PDCD4: variants seen among roughly 807,000 people sequenced by gnomAD.
PDCD4 encodes the protein programmed cell death 4.
Under a neutral mutation model 54.0 loss-of-function variants are expected in PDCD4, and 56 were observed. That is an observed-to-expected ratio of 1.04 (90% CI 0.84 to 1.30). The LOEUF (loss-of-function observed/expected upper bound fraction) is 1.30, where lower values mean the gene tolerates loss of function less well. PDCD4 is among the 50% of genes most tolerant of loss of function. The probability of loss-of-function intolerance (pLI) is 0.00; values close to 1 mark genes in which losing one functional copy is unlikely to be tolerated. For missense variants in PDCD4, 584 were observed against 559.8 expected (o/e 1.04, Z -0.44); for synonymous variants, 186 against 194.8 (o/e 0.95, Z 0.37).
intron 5 of PDCD4, among the ~76,000 whole-genome samples, chr10:110,886,965 C>G (rs972346380): frequency 2.6e-5 from 4 of 152,038 alleles, no homozygotes; most frequent in Non-Finnish European, 4.4e-5. Flanking sequence ...ATATAAATAG[C>G]TTATGATAAT....
intron 10 of PDCD4, among the ~76,000 whole-genome samples, chr10:110,895,048 T>TA (rs1307454577): frequency 6.6e-6 from 1 of 152,104 alleles, no homozygotes; most frequent in African/African-American, 2.4e-5. Flanking sequence ...TTTAGCTATG[T>TA]AACCAGTTTT....
At chr10:110,872,367 C>A (rs1421667344) in intron 1 of PDCD4, 2 of 152,336 alleles carry the variant, frequency 1.3e-5, no homozygotes, top group African/African-American at 2.4e-5. Context: ...CCTCCTCCCC[C>A]TCTGGCGGAG....
chr10:110,873,003 C>T lies in PDCD4; in HGVS notation c.-63+985C>T, dbSNP rs79089372. ...TAGGTGTCGGGGAAAAAAGGGTTTC[C>T]CCTGTTTTTAACTTGTATTTTTACT... On this transcript the variant is annotated intron_variant, in intron 1 of 11. Transcript: ENST00000280154. Among the ~76,000 whole-genome samples, 11 of 152,230 alleles carry T rather than the reference C, an allele frequency of 7.2e-5. No individual in the cohort carries two copies. The East Asian group carries it at 1.7e-3, about 24-fold the overall frequency.
chr10:110,889,511 CTT>C lies in PDCD4; in HGVS notation c.778-13_778-12del. Reference sequence around the variant, plus strand: ...AAGTTATTTAACTTTTTTTATAGCTCTTTTTTTTTTCCTTTTTACAGTTGGTG... The same window carrying C: ...AAGTTATTTAACTTTTTTTATAGCTCTTTTTTTTCCTTTTTACAGTTGGTG... On this transcript the variant is annotated intron_variant, in intron 6 of 11. Transcript: ENST00000280154. 9.6e-6 allele frequency: 12 copies of C among 1,251,890 alleles called. No homozygotes were observed. The highest frequency in any genetic ancestry group is 1.4e-5 in the South Asian group (1 of 73,622). 77.5% of individuals were successfully genotyped at this position (1,251,890 alleles called of 1,614,324 possible).
chr10:110,898,654 G>A lies in PDCD4; in HGVS notation c.*566G>A, dbSNP rs1845889210. The A allele has an allele frequency of 6.6e-6, 1 of 152,616 alleles. No homozygotes were observed. Among genetic ancestry groups the A allele is most frequent in the Admixed American group, 6.5e-5 (1 of 15,276 alleles). The allele number at this position is 152,616 out of a possible 1,614,324, so 9.5% of individuals were successfully genotyped here. The stretch of plus-strand genomic sequence containing the variant: ...AGACTAGACAGTTAAGTAAAAGGTG[G>A]CTGGAACATCTATTTTTCTACAAAA... On this transcript the variant is annotated 3_prime_UTR_variant, in exon 12 of 12. Coordinates refer to ENST00000280154, the MANE Select transcript of PDCD4 (RefSeq NM_014456.5).
chr10:110,885,612 A>G lies in PDCD4; in HGVS notation c.555+246A>G, dbSNP rs565352530. On this transcript the variant is annotated intron_variant, in intron 5 of 11. Coordinates refer to ENST00000280154, the MANE Select transcript of PDCD4 (RefSeq NM_014456.5). ...ACACAATATTTTTATAATTTTTATA[A>G]TTATAATTTGTAATGTATATGAATT... 1.1e-4 allele frequency among the ~76,000 whole-genome samples: 17 copies of G among 151,910 alleles called. No individual in the cohort carries two copies. The South Asian group carries it at 3.5e-3, about 32-fold the overall frequency.
In PDCD4 at chr10:110,876,101, C is replaced by G. The variant is rs370041577; in HGVS notation, c.43+31C>G. ...TAAGGATATCCTTTTTTCTTTTTTTCTTCGTTTTGAGACAGGATCTTGCTC... is the reference window on the plus strand; with the variant it reads ...TAAGGATATCCTTTTTTCTTTTTTTGTTCGTTTTGAGACAGGATCTTGCTC... On this transcript the variant is annotated intron_variant, in intron 2 of 11. Transcript: ENST00000280154. 11 of 1,572,204 alleles carry G rather than the reference C, an allele frequency of 7.0e-6. No homozygotes were observed. In the African/African-American group the frequency reaches 1.5e-4, roughly 22 times the overall value.
At chr10:110,882,198 A>G (rs755104025) in intron 3 of PDCD4, among the ~76,000 whole-genome samples, 7 of 152,344 alleles carry the variant, frequency 4.6e-5, no homozygotes, top group African/African-American at 7.2e-5. Flanking sequence ...TGCCTCTGCA[A>G]TCATGTTTTA....
chr10:110,889,468 A>T, intron 6 of PDCD4, 65 bp from the exon 7 acceptor site: 1 of 862,856 alleles, frequency 1.2e-6, no homozygotes, highest in Non-Finnish European at 1.9e-6. Context: ...TTATGTATTT[A>T]GAAATTGTGA....
chr10:110,897,165 T>C (rs901010117), intron 11 of PDCD4, among the ~76,000 whole-genome samples: 1 of 152,236 alleles, frequency 6.6e-6, no homozygotes, highest in Non-Finnish European at 1.5e-5. Flanking sequence ...TACCCTGGCA[T>C]TGGCTTTTTG....
intron 8 of PDCD4, among the ~76,000 whole-genome samples, chr10:110,893,534 C>G (rs1189568148): frequency 6.6e-6 from 1 of 151,936 alleles, no homozygotes; most frequent in Non-Finnish European, 1.5e-5. Context: ...CAAGACTTGT[C>G]TCTTTAGCTA....
intron 5 of PDCD4, among the ~76,000 whole-genome samples, 157 bp downstream of exon 5, chr10:110,885,523 A>G (rs1391632519): frequency 6.6e-6 from 1 of 152,160 alleles, no homozygotes; most frequent in Non-Finnish European, 1.5e-5. Context: ...ATCTCATTAC[A>G]TTAAAACAGT....
rs139324617 is a variant in PDCD4, at chr10:110,897,672, T to C, written c.1350-356T>C. 2.4e-3 allele frequency among the ~76,000 whole-genome samples: 372 copies of C among 152,324 alleles called. 2 individuals carry two copies. Among genetic ancestry groups the C allele is most frequent in the Middle Eastern group, 0.014 (4 of 294 alleles). On this transcript the variant is annotated intron_variant, in intron 11 of 11. Transcript: ENST00000280154. ...CAGTTTGCATAATTCTGAATTATGT[T>C]AGTGTTTCCTATTTGGCTTACTGTT...
chr10:110,883,182 C>G, intron 4 of PDCD4, 85 bp downstream of exon 4: 1 of 821,478 alleles, frequency 1.2e-6, no homozygotes, highest in Non-Finnish European at 2.0e-6. Context: ...ATACATGTGT[C>G]AAATCATATG....
chr10:110,889,650 T>C lies in PDCD4; in HGVS notation c.875+20T>C, dbSNP rs761731649. The C allele has an allele frequency of 5.8e-6, 8 of 1,375,222 alleles. No homozygotes were observed. Among genetic ancestry groups the C allele is most frequent in the Admixed American group, 3.8e-5 (2 of 53,046 alleles). 85.2% of individuals were successfully genotyped at this position (1,375,222 alleles called of 1,614,324 possible). On this transcript the variant is annotated intron_variant, in intron 7 of 11. Coordinates refer to ENST00000280154, the MANE Select transcript of PDCD4 (RefSeq NM_014456.5). ...GGCTAGGTAAGTAAATCACTTTTCCTACTTAGAATTTCAAAATAGGGGAAA... is the reference window on the plus strand; with the variant it reads ...GGCTAGGTAAGTAAATCACTTTTCCCACTTAGAATTTCAAAATAGGGGAAA...
chr10:110,879,482 C>T (rs921560044), intron 2 of PDCD4, among the ~76,000 whole-genome samples: 3 of 151,778 alleles, frequency 2.0e-5, no homozygotes, highest in East Asian at 2.0e-4. Context: ...CTGGCTAACA[C>T]GGTGACCCCA....
intron 7 of PDCD4, 129 bp downstream of exon 7, chr10:110,889,759 G>T: frequency 1.6e-6 from 1 of 635,024 alleles, no homozygotes; most frequent in Non-Finnish European, 2.8e-6. Context: ...ATTCTCCACT[G>T]TTAAAATGGA....
chr10:110,896,573 G>A (rs1424152495), intron 11 of PDCD4, among the ~76,000 whole-genome samples: 1 of 152,036 alleles, frequency 6.6e-6, no homozygotes, highest in Non-Finnish European at 1.5e-5. Context: ...TGTGTGTTGG[G>A]GGGTGTGTGG....
In PDCD4 at chr10:110,872,675, CCGCCGCCCCATCCCTGCGCGAACTT is replaced by C. The variant is rs918212449; in HGVS notation, c.-63+660_-63+684del. Among the ~76,000 whole-genome samples the C allele has an allele frequency of 3.9e-5, 6 of 152,328 alleles. No individual in the cohort carries two copies. In the South Asian group the frequency reaches 6.2e-4, roughly 16 times the overall value. On this transcript the variant is annotated intron_variant, in intron 1 of 11. Coordinates refer to ENST00000280154, the MANE Select transcript of PDCD4 (RefSeq NM_014456.5). ...GGGGCGCTGGGAGGCGAACACGTGC[CCGCCGCCCCATCCCTGCGCGAACTT>C]CGTCGCGCCCGTCTTCCGGCAAAGG...
Sources: gnomAD v4.1 joint callset for allele counts (sites outside exome capture counted in the v4.1 genomes callset) on GRCh38, gnomAD v4.1.1 for gene constraint, MANE v1.5 for transcripts, NCBI Gene and HGNC (gene_info 2026-07-23, HGNC 2026-07-21) for gene names.